Variants in CTNNA2 observed in about 807,000 individuals in gnomAD.
CTNNA2 encodes catenin alpha 2, also known as catenin alpha-2.
A neutral mutation model predicts 101.0 loss-of-function variants in CTNNA2; 42 were observed. The observed-to-expected ratio is 0.42, with a 90% CI of 0.32 to 0.54. The LOEUF (loss-of-function observed/expected upper bound fraction) is 0.54. CTNNA2 is among the 20% of genes least tolerant of loss of function. The pLI, the probability that CTNNA2 is intolerant of heterozygous loss-of-function variation, is 0.14. For synonymous variants in CTNNA2, 450 were observed against 456.4 expected (o/e 0.99, Z 0.18); for missense variants, 871 against 1,223.1 (o/e 0.71, Z 4.29).
At chr2:80,306,401 TTTCTTTCTTTCTTTCTTTC>T (rs1676978438) in intron 7 of CTNNA2, among the ~76,000 whole-genome samples, 3 of 27,462 alleles carry the variant, frequency 1.1e-4, no homozygotes, top group African/African-American at 3.2e-4. Flanking sequence ...TTTCTTTTCT[TTTCTTTCTTTCTTTCTTTC>T]TTTCTTTCTT....
intron 7 of CTNNA2, among the ~76,000 whole-genome samples, chr2:80,018,854 T>C (rs2104086397): frequency 6.6e-6 from 1 of 151,958 alleles, no homozygotes; most frequent in Non-Finnish European, 1.5e-5. Context: ...ATAGCCAATA[T>C]CTAAAGGTAT....
rs78217611 is a variant in CTNNA2, at chr2:80,013,652, C to A, written c.1056+103855C>A. Among the ~76,000 whole-genome samples, 1,390 of 152,270 alleles carry A rather than the reference C, an allele frequency of 9.1e-3. 22 individuals are homozygous for A. Among genetic ancestry groups the A allele is most frequent in the African/African-American group, 0.032 (1,317 of 41,528 alleles). ...TAACCCTGTTGTTCTCTTCCACCCA[C>A]GTAATTTACCCAGTCATTTCACCAG... On this transcript the variant is annotated intron_variant, in intron 7 of 18. Transcript: ENST00000402739.
At chr2:80,176,838 G>A (rs1558876499) in intron 7 of CTNNA2, among the ~76,000 whole-genome samples, 3 of 152,140 alleles carry the variant, frequency 2.0e-5, no homozygotes, top group African/African-American at 7.2e-5. Flanking sequence ...GAGGTAGGGG[G>A]AGCCCAAAGT....
At chr2:80,142,778 A>C (rs1401086715) in intron 7 of CTNNA2, among the ~76,000 whole-genome samples, 1 of 152,136 alleles carries the variant, frequency 6.6e-6, no homozygotes, top group Non-Finnish European at 1.5e-5. Flanking sequence ...GAGATGCGAA[A>C]GGGGCTTTAC....
intron 2 of CTNNA2, among the ~76,000 whole-genome samples, chr2:79,236,924 C>T (rs1028825493): frequency 1.1e-4 from 16 of 152,156 alleles, no homozygotes; most frequent in African/African-American, 3.9e-4. Context: ...TCCTCAAGGT[C>T]ATCCTTGAGG....
intron 12 of CTNNA2, among the ~76,000 whole-genome samples, chr2:80,567,851 A>G (rs764851377): frequency 8.6e-5 from 13 of 151,892 alleles, no homozygotes; most frequent in Non-Finnish European, 1.8e-4. Flanking sequence ...GTGATATTTT[A>G]TGTTATTTTT....
At chr2:79,934,178 A>T (rs769461618) in intron 7 of CTNNA2, among the ~76,000 whole-genome samples, 1 of 152,238 alleles carries the variant, frequency 6.6e-6, no homozygotes, top group Admixed American at 6.5e-5. Context: ...TTTGCCTATC[A>T]TCCAAATACA....
chr2:79,919,811 G>A (rs897610626), intron 7 of CTNNA2, among the ~76,000 whole-genome samples: 1 of 152,158 alleles, frequency 6.6e-6, no homozygotes, highest in African/African-American at 2.4e-5. Flanking sequence ...GTTCAATGCG[G>A]CCTTGAACTC....
At chr2:79,860,890 A>G (rs1681573098) in intron 4 of CTNNA2, among the ~76,000 whole-genome samples, 1 of 152,210 alleles carries the variant, frequency 6.6e-6, no homozygotes, top group Non-Finnish European at 1.5e-5. Flanking sequence ...TCTTTTGCGC[A>G]GAAGCATATC....
chr2:79,935,817 C>T (rs1415579439), intron 7 of CTNNA2, among the ~76,000 whole-genome samples: 3 of 152,170 alleles, frequency 2.0e-5, no homozygotes, highest in South Asian at 4.1e-4. Flanking sequence ...TGTTATTTTT[C>T]CTTGCAGAGA....
At position 79,869,720 on chromosome 2, in the gene CTNNA2, T is replaced by C. The variant is rs1682438415; in HGVS notation, c.466-96T>C. 2.0e-6 allele frequency: 3 copies of C among 1,469,474 alleles called. No homozygotes were observed. The East Asian group carries it at 7.1e-5, about 35-fold the overall frequency. 91.0% of individuals were successfully genotyped at this position (1,469,474 alleles called of 1,614,324 possible). On this transcript the variant is annotated intron_variant, in intron 4 of 18. Coordinates refer to ENST00000402739, the MANE Select transcript of CTNNA2 (RefSeq NM_001282597.3). ...TCATTTACATGTTAACACATACTAG[T>C]GTTTTAGAGTTTTTGGGTGCAAATT... is the stretch of plus-strand genomic sequence containing the variant.
At chr2:79,864,018 G>A (rs1341543136) in intron 4 of CTNNA2, among the ~76,000 whole-genome samples, 1 of 152,134 alleles carries the variant, frequency 6.6e-6, no homozygotes, top group African/African-American at 2.4e-5. Flanking sequence ...CCAGAACCAG[G>A]AACCAAACCC....
chr2:80,559,859 A>C (rs555474980), intron 12 of CTNNA2, among the ~76,000 whole-genome samples: 2 of 123,338 alleles, frequency 1.6e-5, no homozygotes, highest in Admixed American at 1.6e-4. Flanking sequence ...GGGTGAAAGC[A>C]CATTCAGCGA....
chr2:79,417,915 A>T (rs1458680150), intron 4 of CTNNA2, among the ~76,000 whole-genome samples: 1 of 152,092 alleles, frequency 6.6e-6, no homozygotes, highest in Non-Finnish European at 1.5e-5. Flanking sequence ...GTAAAGAAAG[A>T]GTTTCATTGA....
chr2:80,217,582 T>G (rs928511120), intron 7 of CTNNA2, among the ~76,000 whole-genome samples: 39 of 152,184 alleles, frequency 2.6e-4, no homozygotes, highest in African/African-American at 9.2e-4. Context: ...AATCCAAACC[T>G]GCTCTAAGGG....
At chr2:79,957,549 C>G (rs6740302) in intron 7 of CTNNA2, among the ~76,000 whole-genome samples, 1 of 151,978 alleles carries the variant, frequency 6.6e-6, no homozygotes, top group Non-Finnish European at 1.5e-5. Context: ...AAAGTTAGTT[C>G]TTTCCCATAC....
At chr2:79,625,258 TAGAG>T (rs1679234461) in intron 1 of CTNNA2, among the ~76,000 whole-genome samples, 1 of 152,188 alleles carries the variant, frequency 6.6e-6, no homozygotes, top group Non-Finnish European at 1.5e-5. Context: ...TATAATGTGA[TAGAG>T]ACTCAATTTT....
chr2:80,072,791 G>A (rs1230756187), intron 7 of CTNNA2, among the ~76,000 whole-genome samples: 2 of 152,104 alleles, frequency 1.3e-5, no homozygotes, highest in Non-Finnish European at 2.9e-5. Flanking sequence ...AAATAGGGAG[G>A]GTCAAGGGCC....
intron 4 of CTNNA2, among the ~76,000 whole-genome samples, chr2:79,377,093 G>A (rs1210345516): frequency 6.6e-6 from 1 of 151,414 alleles, no homozygotes; most frequent in Non-Finnish European, 1.5e-5. Flanking sequence ...CTAGTTTACA[G>A]TCCCACCAAC....
Sources: gnomAD v4.1 joint callset for allele counts (sites outside exome capture counted in the v4.1 genomes callset) on GRCh38, gnomAD v4.1.1 for gene constraint, MANE v1.5 for transcripts, NCBI Gene and HGNC (gene_info 2026-07-23, HGNC 2026-07-21) for gene names.